Variants in LEMD1 observed in about 807,000 individuals in gnomAD.
LEMD1 encodes the protein LEM domain containing 1, also known as LEM domain-containing protein 1.
Under a neutral mutation model 17.4 loss-of-function variants are expected in LEMD1, and 18 were observed. That is an observed-to-expected ratio of 1.04 (90% CI 0.72 to 1.54). The LOEUF is 1.54. Among genes scored for constraint, LEMD1 ranks in the 40% most tolerant of loss-of-function variants. LEMD1 has a pLI of 0.00. For synonymous variants in LEMD1, 88 were observed against 77.8 expected, an observed-to-expected ratio of 1.13 and a Z score of -0.69; for missense variants, 195 against 210.4, an observed-to-expected ratio of 0.93 and a Z score of 0.45.
At chr1:205,392,224 T>C (rs1355497618) in intron 4 of LEMD1, among the ~76,000 whole-genome samples, 1 of 152,176 alleles carries the variant, frequency 6.6e-6, no homozygotes, top group Non-Finnish European at 1.5e-5. Flanking sequence ...TTAAAGCAGC[T>C]GTCATAAAAT....
intron 1 of LEMD1, chr1:205,435,186 A>G (rs1666186568): frequency 6.6e-6 from 1 of 152,218 alleles, no homozygotes; most frequent in Non-Finnish European, 1.5e-5. Flanking sequence ...AGGACGTGAA[A>G]TGTATCCGCC....
intron 4 of LEMD1, among the ~76,000 whole-genome samples, chr1:205,391,385 C>T (rs886560714): frequency 6.6e-6 from 1 of 151,572 alleles, no homozygotes; most frequent in Non-Finnish European, 1.5e-5. Flanking sequence ...ATTTATATGT[C>T]CTGGACTGGG....
At chr1:205,420,675 T>C in intron 1 of LEMD1, 101 bp from the exon 2 acceptor site, 1 of 663,600 alleles carries the variant, frequency 1.5e-6, no homozygotes, top group Non-Finnish European at 2.7e-6. Flanking sequence ...CTCCCCAACC[T>C]CCTAGGTGCA....
Position 205,417,995 on chromosome 1 carries a change from T to C in LEMD1, c.205+1235A>G, listed in dbSNP as rs571017098. ...AACAAACATACACCAAGTTCTGCTA[T>C]GTGCCTGGAACTGTTCCAGGAGCTG... is the stretch of plus-strand genomic sequence containing the variant. On this transcript the variant is annotated intron_variant, in intron 3 of 5. Transcript: ENST00000367153. Among the ~76,000 whole-genome samples, 5 of 152,202 alleles carry C rather than the reference T, an allele frequency of 3.3e-5. No homozygotes were observed. The East Asian group carries it at 7.8e-4, about 24-fold the overall frequency.
intron 1 of LEMD1, among the ~76,000 whole-genome samples, chr1:205,446,982 G>T (rs1666400541): frequency 6.6e-6 from 1 of 152,242 alleles, no homozygotes; most frequent in Non-Finnish European, 1.5e-5. Context: ...TGGACAAAGG[G>T]TGATTGGAGT....
chr1:205,442,438 G>T (rs1358614525), intron 1 of LEMD1, among the ~76,000 whole-genome samples: 1 of 152,210 alleles, frequency 6.6e-6, no homozygotes, highest in Non-Finnish European at 1.5e-5. Context: ...CAGTTCCACT[G>T]GTCTGGACAA....
intron 1 of LEMD1, among the ~76,000 whole-genome samples, chr1:205,444,501 C>A (rs1033670740): frequency 8.7e-5 from 11 of 127,040 alleles, no homozygotes; most frequent in African/African-American, 3.8e-4. Context: ...ACCCCCACAT[C>A]TCTCTGTGCC....
chr1:205,444,499 ATC>A (rs151047735), intron 1 of LEMD1, among the ~76,000 whole-genome samples: 13,633 of 151,878 alleles, frequency 0.09, 1,066 homozygotes, highest in African/African-American at 0.2. Flanking sequence ...TGACCCCCAC[ATC>A]TCTCTGTGCC....
chr1:205,418,870 G>T (rs113034756), intron 3 of LEMD1, among the ~76,000 whole-genome samples: 2,679 of 152,292 alleles, frequency 0.018, 34 homozygotes, highest in Middle Eastern at 0.085. Flanking sequence ...ATAATGGTCA[G>T]ATTTATCAAC....
At chr1:205,422,933 TA>T (rs1666001370), upstream of LEMD1, among the ~76,000 whole-genome samples, 1 of 152,176 alleles carries the variant, frequency 6.6e-6, no homozygotes, top group African/African-American at 2.4e-5. Context: ...TGGGGGATAA[TA>T]AAAATGGTAC....
intron 1 of LEMD1, chr1:205,437,727 T>G (rs1170630932): frequency 6.6e-6 from 1 of 152,178 alleles, no homozygotes; most frequent in Non-Finnish European, 1.5e-5. Context: ...AAAGGAGACT[T>G]AAGAGGAAAT....
At chr1:205,388,018 G>T (rs961519334) in intron 4 of LEMD1, among the ~76,000 whole-genome samples, 5 of 152,198 alleles carry the variant, frequency 3.3e-5, no homozygotes, top group Non-Finnish European at 7.3e-5. Context: ...GAGGCATGGA[G>T]CGTTTAAGTA....
intron 5 of LEMD1, among the ~76,000 whole-genome samples, chr1:205,382,739 T>C (rs1226592850): frequency 6.6e-6 from 1 of 152,202 alleles, no homozygotes; most frequent in Non-Finnish European, 1.5e-5. Context: ...ATTGTATAAG[T>C]GGATGGGAAG....
At chr1:205,412,047 C>G (rs932618093) in intron 4 of LEMD1, among the ~76,000 whole-genome samples, 1 of 152,154 alleles carries the variant, frequency 6.6e-6, no homozygotes. Context: ...CAAGATAGTC[C>G]CAGTTTACTC....
At chr1:205,390,345 A>G (rs1574947313) in intron 4 of LEMD1, among the ~76,000 whole-genome samples, 1 of 150,122 alleles carries the variant, frequency 6.7e-6, no homozygotes, top group Non-Finnish European at 1.5e-5. Context: ...ACAGAGCTAC[A>G]CTCTCTCTCT....
chr1:205,407,862 A>G (rs1233707683), intron 4 of LEMD1, among the ~76,000 whole-genome samples: 2 of 152,136 alleles, frequency 1.3e-5, no homozygotes, highest in Admixed American at 6.5e-5. Flanking sequence ...ATTGTTGGAT[A>G]CCTGGCTGGT....
intron 4 of LEMD1, among the ~76,000 whole-genome samples, chr1:205,402,327 A>G (rs1478094839): frequency 6.6e-6 from 1 of 152,116 alleles, no homozygotes; most frequent in Non-Finnish European, 1.5e-5. Flanking sequence ...GATTCTTCCT[A>G]CCCATGAGCA....
intron 1 of LEMD1, among the ~76,000 whole-genome samples, chr1:205,433,922 G>A (rs958990942): frequency 2.6e-5 from 4 of 152,190 alleles, no homozygotes; most frequent in Non-Finnish European, 5.9e-5. Context: ...AGACTTGATG[G>A]CCTGATCTCT....
chr1:205,445,101 G>A (rs916568902), intron 1 of LEMD1, among the ~76,000 whole-genome samples: 4 of 152,168 alleles, frequency 2.6e-5, no homozygotes, highest in Non-Finnish European at 4.4e-5. Flanking sequence ...CCGGATTTGG[G>A]GGATTAGCTC....
Sources: allele counts gnomAD v4.1 joint callset (sites outside exome capture counted in the v4.1 genomes callset), GRCh38; gene constraint gnomAD v4.1.1; transcripts MANE v1.5; gene names NCBI Gene and HGNC (gene_info 2026-07-23, HGNC 2026-07-21).